The following SVIL variants were observed in gnomAD, a reference collection of about 807,000 sequenced individuals.
SVIL encodes the protein archvillin.
In SVIL, 101 loss-of-function variants were observed where a neutral mutation model predicts 240.4. The observed-to-expected ratio is 0.42, with a 90% CI of 0.36 to 0.50. The LOEUF is 0.50. Among genes scored for constraint, SVIL ranks in the 20% least tolerant of loss-of-function variants. The pLI is 0.01. For synonymous variants in SVIL, 999 were observed against 1,100.0 expected, an observed-to-expected ratio of 0.91 and a Z score of 1.82; for missense variants, 2,512 against 2,818.7, an observed-to-expected ratio of 0.89 and a Z score of 2.46.
At chr10:29,700,052 A>G (rs761931002) in intron 1 of SVIL, among the ~76,000 whole-genome samples, 1 of 152,224 alleles carries the variant, frequency 6.6e-6, no homozygotes, top group Non-Finnish European at 1.5e-5. Flanking sequence ...GTAAGATATG[A>G]CACACTAGAG....
intron 9 of SVIL, 53 bp downstream of exon 9, chr10:29,531,949 C>T: frequency 1.3e-6 from 2 of 1,597,336 alleles, no homozygotes; most frequent in Non-Finnish European, 1.7e-6. Flanking sequence ...TGGTAAAACT[C>T]CTGTGTCATT....
At chr10:29,540,563 G>A (rs1339718606) in intron 6 of SVIL, among the ~76,000 whole-genome samples, 1 of 152,214 alleles carries the variant, frequency 6.6e-6, no homozygotes, top group Non-Finnish European at 1.5e-5. Context: ...AGTGCAGCAG[G>A]ACCCCCCAGC....
chr10:29,660,260 G>A (rs1360857547), intron 2 of SVIL, among the ~76,000 whole-genome samples: 5 of 152,066 alleles, frequency 3.3e-5, no homozygotes, highest in African/African-American at 1.2e-4. Flanking sequence ...AGTGAGCTAC[G>A]ATTGTACCAC....
intron 1 of SVIL, among the ~76,000 whole-genome samples, chr10:29,579,321 C>T (rs1955836949): frequency 6.6e-6 from 1 of 152,070 alleles, no homozygotes; most frequent in Admixed American, 6.5e-5. Context: ...GCCTGTAGTC[C>T]CAGCTACTCG....
intron 1 of SVIL, among the ~76,000 whole-genome samples, chr10:29,580,486 A>G (rs1955894887): frequency 6.6e-6 from 1 of 152,230 alleles, no homozygotes; most frequent in African/African-American, 2.4e-5. Flanking sequence ...GGACTGCATT[A>G]TTTAATCCAC....
intron 1 of SVIL, among the ~76,000 whole-genome samples, chr10:29,579,153 A>G (rs1955827160): frequency 1.3e-5 from 2 of 152,164 alleles, no homozygotes; most frequent in South Asian, 4.2e-4. Flanking sequence ...AACGGGGACA[A>G]TGGGCCAGGC....
intron 1 of SVIL, among the ~76,000 whole-genome samples, chr10:29,618,568 A>T (rs1957511902): frequency 1.3e-5 from 2 of 152,112 alleles, no homozygotes; most frequent in Non-Finnish European, 2.9e-5. Context: ...CAAAGCCCAA[A>T]TGCCTTCTTT....
intron 11 of SVIL, 36 bp downstream of exon 11, chr10:29,530,571 T>C (rs1001550171): frequency 4.3e-6 from 7 of 1,613,026 alleles, no homozygotes; most frequent in Non-Finnish European, 5.1e-6. Context: ...CTGCACCCAG[T>C]AGGGATCTCT....
At chr10:29,490,585 T>TA (rs57898945) in intron 22 of SVIL, among the ~76,000 whole-genome samples, 10,714 of 76,076 alleles carry the variant, frequency 0.14, 421 homozygotes, top group Admixed American at 0.23. Flanking sequence ...CCCCAGTCTT[T>TA]AAAAAAAAAA....
At chr10:29,665,262 G>A (rs1053347597) in intron 2 of SVIL, among the ~76,000 whole-genome samples, 5 of 142,088 alleles carry the variant, frequency 3.5e-5, no homozygotes, top group African/African-American at 1.3e-4. Context: ...GGAGGCAAAC[G>A]ATGGTCTTCC....
At chr10:29,575,629 C>A (rs567301668) in intron 1 of SVIL, among the ~76,000 whole-genome samples, 6 of 152,296 alleles carry the variant, frequency 3.9e-5, no homozygotes, top group Admixed American at 2.0e-4. Flanking sequence ...ATTTAGTAAG[C>A]CCTACTGGTG....
At position 29,575,719 on chromosome 10, in the gene SVIL, A is replaced by C. The variant is rs140297585; in HGVS notation, c.-200-6407T>G. Among the ~76,000 whole-genome samples the C allele has an allele frequency of 3.6e-3, 551 of 152,298 alleles. 1 individual carries two copies. The highest frequency in any genetic ancestry group is 0.013 in the African/African-American group (529 of 41,562). ...TAGATAATTGAACTAGTGAAGACTG[A>C]GCTCTATAATAATTACAATTATTCA... On this transcript the variant is annotated intron_variant, in intron 1 of 37. Coordinates refer to ENST00000355867, the MANE Select transcript of SVIL (RefSeq NM_021738.3).
chr10:29,545,375 T>C (rs1952566153), intron 6 of SVIL, among the ~76,000 whole-genome samples: 2 of 152,012 alleles, frequency 1.3e-5, no homozygotes, highest in Admixed American at 6.5e-5. Flanking sequence ...GCCCAAACCA[T>C]CATCCACCAA....
intron 1 of SVIL, among the ~76,000 whole-genome samples, chr10:29,579,068 T>A (rs1419359764): frequency 6.6e-6 from 1 of 152,242 alleles, no homozygotes; most frequent in Admixed American, 6.5e-5. Context: ...TGTGTATTCC[T>A]AGTTTTCTTC....
intron 36 of SVIL, among the ~76,000 whole-genome samples, chr10:29,460,739 T>C (rs1025634792): frequency 5.9e-5 from 9 of 152,132 alleles, no homozygotes; most frequent in Admixed American, 1.3e-4. Flanking sequence ...CAAAACCTCA[T>C]TGAAAATACA....
chr10:29,605,154 C>T (rs944210376), intron 1 of SVIL, among the ~76,000 whole-genome samples: 1 of 152,208 alleles, frequency 6.6e-6, no homozygotes, highest in Non-Finnish European at 1.5e-5. Flanking sequence ...CATATAGGCA[C>T]ACAGGCATTA....
intron 16 of SVIL, among the ~76,000 whole-genome samples, chr10:29,516,412 C>T (rs751205330): frequency 1.1e-4 from 17 of 152,234 alleles, no homozygotes; most frequent in Non-Finnish European, 1.9e-4. Context: ...TGTGTTCTTC[C>T]TGTCCCTTTA....
At chr10:29,493,521 G>T in intron 20 of SVIL, 130 bp from the exon 21 acceptor site, 1 of 1,005,044 alleles carries the variant, frequency 9.9e-7, no homozygotes, top group Non-Finnish European at 1.4e-6. Context: ...GTGATATACA[G>T]GGTCCTGTGG....
At chr10:29,662,286 A>G (rs892991740) in intron 2 of SVIL, among the ~76,000 whole-genome samples, 1 of 152,116 alleles carries the variant, frequency 6.6e-6, no homozygotes, top group African/African-American at 2.4e-5. Context: ...GACTGCCTTC[A>G]TCCATCCTCA....
Sources: gnomAD v4.1 joint callset for allele counts (sites outside exome capture counted in the v4.1 genomes callset) on GRCh38, gnomAD v4.1.1 for gene constraint, MANE v1.5 for transcripts, NCBI Gene and HGNC (gene_info 2026-07-23, HGNC 2026-07-21) for gene names.